Variants in RTN4R observed in about 807,000 individuals in gnomAD.
RTN4R encodes reticulon-4 receptor.
Under a neutral mutation model 27.7 loss-of-function variants are expected in RTN4R, and 4 were observed. The ratio of observed to expected loss-of-function variants is 0.14; its 90% CI spans 0.07 to 0.33. The LOEUF (loss-of-function observed/expected upper bound fraction) is 0.33. Among genes scored for constraint, RTN4R ranks in the 10% least tolerant of loss-of-function variants. The pLI is 1.00. For synonymous variants in RTN4R, 290 were observed against 305.6 expected (o/e 0.95, Z 0.53); for missense variants, 554 against 671.5 (o/e 0.83, Z 1.93).
At position 20,249,807 on chromosome 22, in the gene RTN4R, C is replaced by T. The variant is rs117725102; in HGVS notation, c.23-6697G>A. Among the ~76,000 whole-genome samples the T allele has an allele frequency of 3.6e-3, 546 of 152,284 alleles. 11 individuals are homozygous for T. In the East Asian group the frequency reaches 0.063, roughly 18 times the overall value. On this transcript the variant is annotated intron_variant, in intron 1 of 1. Transcript: ENST00000043402. ...AAACATGATCAACCAGGCAGGCGAG[C>T]GGCCTCTGTCCGAGCAGAATTTATT...
intron 1 of RTN4R, among the ~76,000 whole-genome samples, chr22:20,256,810 T>A (rs2051214606): frequency 6.6e-6 from 1 of 152,186 alleles, no homozygotes; most frequent in Admixed American, 6.5e-5. Flanking sequence ...AGGCACCACC[T>A]GTGCTTCTTG....
Position 20,241,492 on chromosome 22 carries a change from C to T in RTN4R, c.*219G>A, listed in dbSNP as rs2051105016. 4 of 594,208 alleles carry T rather than the reference C, an allele frequency of 6.7e-6. No individual in the cohort carries two copies. The highest frequency in any genetic ancestry group is 1.9e-5 in the African/African-American group (1 of 53,718). The allele number at this position is 594,208 out of a possible 1,614,324, so 36.8% of individuals were successfully genotyped here. ...ATAAAATGCATATCTCTATATACCG[C>T]GATCTGGGTGGGAGGCGGCGTTCTG... On this transcript the variant is annotated 3_prime_UTR_variant, in exon 2 of 2. Transcript: ENST00000043402.
intron 1 of RTN4R, among the ~76,000 whole-genome samples, chr22:20,253,703 A>G (rs1453245275): frequency 1.3e-5 from 2 of 152,238 alleles, no homozygotes; most frequent in African/African-American, 4.8e-5. Flanking sequence ...TGTGGGAAAA[A>G]GACAAAAATT....
intron 1 of RTN4R, chr22:20,267,737 C>T: frequency 4.7e-6 from 2 of 426,624 alleles, no homozygotes; most frequent in Non-Finnish European, 9.5e-6. Flanking sequence ...GGCCGGGGCG[C>T]TCCGAGGCCG....
chr22:20,267,032 C>A (rs983228109), intron 1 of RTN4R, among the ~76,000 whole-genome samples: 1 of 152,238 alleles, frequency 6.6e-6, no homozygotes, highest in African/African-American at 2.4e-5. Flanking sequence ...GCGAAAGGGG[C>A]CCCAGCATGT....
Position 20,268,260 on chromosome 22 carries a change from G to A in RTN4R, c.-168C>T. The A allele has an allele frequency of 3.1e-5, 1 of 32,532 alleles. No individual in the cohort carries two copies. Among genetic ancestry groups the A allele is most frequent in the Non-Finnish European group, 4.5e-5 (1 of 22,090 alleles). 2.0% of individuals were successfully genotyped at this position (32,532 alleles called of 1,614,324 possible). A position where few individuals can be genotyped will look rare whatever the true frequency, so the allele number is the denominator to read the frequency against. On this transcript the variant is annotated 5_prime_UTR_variant, in exon 1 of 2. Coordinates refer to ENST00000043402, the MANE Select transcript of RTN4R (RefSeq NM_023004.6). ...CTCCGCCCGGCTCTGGCTGGGCTCG[G>A]GCCGCGGGTGCGCAGGGCGCGCAGG...
At chr22:20,243,263 T>C in intron 1 of RTN4R, 153 bp from the exon 2 acceptor site, 2 of 726,498 alleles carry the variant, frequency 2.8e-6, no homozygotes, top group Admixed American at 2.2e-5. Flanking sequence ...AATCGCAGTG[T>C]TGGGATCCCT....
intron 1 of RTN4R, chr22:20,267,572 G>A: frequency 2.1e-6 from 1 of 467,884 alleles, no homozygotes; most frequent in South Asian, 1.6e-5. Context: ...GCCCTCTACT[G>A]CCGCCAACGC....
intron 1 of RTN4R, among the ~76,000 whole-genome samples, chr22:20,245,195 G>A (rs1019435517): frequency 6.6e-6 from 1 of 152,176 alleles, no homozygotes; most frequent in African/African-American, 2.4e-5. Flanking sequence ...GCCACGTGGC[G>A]CTCAGTTCTG....
chr22:20,245,435 T>G (rs1955402899), intron 1 of RTN4R, among the ~76,000 whole-genome samples: 2 of 152,110 alleles, frequency 1.3e-5, no homozygotes, highest in South Asian at 4.1e-4. Context: ...AACCCAACTT[T>G]GCAGCATGGG....
At chr22:20,245,089 T>C (rs2051132176) in intron 1 of RTN4R, among the ~76,000 whole-genome samples, 1 of 152,194 alleles carries the variant, frequency 6.6e-6, no homozygotes, top group African/African-American at 2.4e-5. Flanking sequence ...CCGAAGCAGC[T>C]GTGTGTCCAC....
intron 1 of RTN4R, among the ~76,000 whole-genome samples, chr22:20,245,767 CCCCACTTT>C (rs2051137015): frequency 6.6e-6 from 1 of 152,188 alleles, no homozygotes; most frequent in Non-Finnish European, 1.5e-5. Flanking sequence ...CCTGCCATCA[CCCCACTTT>C]CCACTCTCAC....
At chr22:20,257,954 C>A (rs1174705610) in intron 1 of RTN4R, among the ~76,000 whole-genome samples, 1 of 152,074 alleles carries the variant, frequency 6.6e-6, no homozygotes, top group Admixed American at 6.5e-5. Flanking sequence ...GGCAGGCCCC[C>A]CAACGTCTCA....
intron 1 of RTN4R, among the ~76,000 whole-genome samples, chr22:20,245,483 G>A (rs955893934): frequency 5.9e-5 from 9 of 152,100 alleles, no homozygotes; most frequent in South Asian, 2.1e-4. Context: ...TGAGGGAGAC[G>A]CAGCCAGGTG....
At chr22:20,262,058 C>T (rs148220813) in intron 1 of RTN4R, among the ~76,000 whole-genome samples, 4 of 152,136 alleles carry the variant, frequency 2.6e-5, no homozygotes, top group Non-Finnish European at 5.9e-5. Context: ...GGCCACAGGC[C>T]GGGGACAGAG....
At position 20,242,766 on chromosome 22, in the gene RTN4R, G is replaced by T. The variant is rs755283140; in HGVS notation, c.367C>A (p.Pro123Thr). 3 of 1,612,656 alleles carry T rather than the reference G, an allele frequency of 1.9e-6. No homozygotes were observed. In the African/African-American group the frequency reaches 4.0e-5, roughly 22 times the overall value. ...SDNAQLRSVDPATFHGLGRLH... is the reference protein window; with the variant it reads ...SDNAQLRSVDTATFHGLGRLH... ...CGGCCCAGGCCGTGGAATGTGGCAG[G>T]GTCCACAGACCGGAGCTGTGCATTA... The change falls in exon 2 of 2, where the codon CCT becomes ACT. Residue 123 changes from proline to threonine, a missense_variant. Physicochemically the swap from Pro to Thr is conservative, Grantham distance 38. Coordinates refer to ENST00000043402, the MANE Select transcript of RTN4R (RefSeq NM_023004.6).
intron 1 of RTN4R, among the ~76,000 whole-genome samples, chr22:20,260,314 G>C (rs1045268528): frequency 6.6e-6 from 1 of 152,184 alleles, no homozygotes; most frequent in African/African-American, 2.4e-5. Flanking sequence ...TGGGCAGGGC[G>C]TGACCGGCCA....
chr22:20,251,131 C>G (rs1302528029), intron 1 of RTN4R, among the ~76,000 whole-genome samples: 1 of 152,160 alleles, frequency 6.6e-6, no homozygotes, highest in Non-Finnish European at 1.5e-5. Context: ...GTATCAGGGA[C>G]TCTGGCCAGG....
In RTN4R at chr22:20,241,599, C is replaced by A; in HGVS notation, c.*112G>T. 2 of 1,213,916 alleles carry A rather than the reference C, an allele frequency of 1.6e-6. No individual in the cohort carries two copies. The highest frequency in any genetic ancestry group is 2.8e-5 in the South Asian group (2 of 71,984). The allele number at this position is 1,213,916 out of a possible 1,614,324, so 75.2% of individuals were successfully genotyped here. A position where few individuals can be genotyped will look rare whatever the true frequency, so the allele number is the denominator to read the frequency against. ...GGCGGCAGGCGTCCATCAGGGAGGACCTGGCCTGGCCTGCCCCACGGGTCG... is the reference window on the plus strand; with the variant it reads ...GGCGGCAGGCGTCCATCAGGGAGGAACTGGCCTGGCCTGCCCCACGGGTCG... On this transcript the variant is annotated 3_prime_UTR_variant, in exon 2 of 2. Coordinates refer to ENST00000043402, the MANE Select transcript of RTN4R (RefSeq NM_023004.6).
Sources: allele counts gnomAD v4.1 joint callset (sites outside exome capture counted in the v4.1 genomes callset), GRCh38; gene constraint gnomAD v4.1.1; transcripts MANE v1.5; gene names NCBI Gene and HGNC (gene_info 2026-07-23, HGNC 2026-07-21).